The following CCDC141 variants were observed in gnomAD, a reference collection of about 807,000 sequenced individuals.
CCDC141 encodes the protein coiled-coil domain-containing protein 141.
Under a neutral mutation model 181.0 loss-of-function variants are expected in CCDC141, and 168 were observed. That is an observed-to-expected ratio of 0.93 (90% CI 0.82 to 1.05). The LOEUF (loss-of-function observed/expected upper bound fraction) is 1.05. Ranked by LOEUF, CCDC141 falls within the 50% of genes least tolerant of loss-of-function variation. The pLI is 0.00. For synonymous variants in CCDC141, 666 were observed against 642.3 expected, an observed-to-expected ratio of 1.04 and a Z score of -0.56; for missense variants, 1,902 against 1,788.5, an observed-to-expected ratio of 1.06 and a Z score of -1.14.
rs34625707 is a variant in CCDC141, at chr2:178,870,231, CAAAAAAAAAA to C, written c.2206-936_2206-927del. Among the ~76,000 whole-genome samples the C allele has an allele frequency of 6.1e-4, 37 of 60,294 alleles. No homozygotes were observed. The South Asian group carries it at 8.2e-3, about 13-fold the overall frequency. The allele number at this position is 60,294 out of a possible 152,430, so 39.6% of individuals were successfully genotyped here. A position where few individuals can be genotyped will look rare whatever the true frequency, so the allele number is the denominator to read the frequency against. On this transcript the variant is annotated intron_variant, in intron 14 of 23. Transcript: ENST00000443758. ...TGGGCAACAGAGTAAGACTCTGTCTCAAAAAAAAAAAAAAAAAAAAAAAGACAGTGAGAGA... is the reference window on the plus strand; with the variant it reads ...TGGGCAACAGAGTAAGACTCTGTCTCAAAAAAAAAAAAAGACAGTGAGAGA...
intron 10 of CCDC141, among the ~76,000 whole-genome samples, chr2:178,885,809 G>GCT (rs1686857343): frequency 6.6e-6 from 1 of 152,078 alleles, no homozygotes; most frequent in Non-Finnish European, 1.5e-5. Context: ...GAAAGAAAAA[G>GCT]CTCTGCAGCA....
chr2:179,018,028 T>C (rs539603062), intron 2 of CCDC141, among the ~76,000 whole-genome samples: 28 of 152,276 alleles, frequency 1.8e-4, no homozygotes, highest in African/African-American at 5.5e-4. Flanking sequence ...AAAGAAATGC[T>C]AAAAGACACT....
At chr2:178,865,682 T>G in intron 17 of CCDC141, 85 bp downstream of exon 17, 1 of 1,257,840 alleles carries the variant, frequency 8.0e-7, no homozygotes, top group Non-Finnish European at 1.0e-6. Context: ...TGTGGGAGTG[T>G]GCACAAATGT....
At chr2:178,988,177 T>G (rs1001431259) in intron 2 of CCDC141, among the ~76,000 whole-genome samples, 12 of 152,150 alleles carry the variant, frequency 7.9e-5, no homozygotes, top group East Asian at 3.9e-4. Flanking sequence ...TAGGGACATG[T>G]ATGAAATTGG....
At chr2:179,003,481 A>G (rs1272296669) in intron 2 of CCDC141, among the ~76,000 whole-genome samples, 2 of 152,244 alleles carry the variant, frequency 1.3e-5, no homozygotes. Context: ...GATTTTGTGA[A>G]GATTAAATGA....
intron 1 of CCDC141, among the ~76,000 whole-genome samples, chr2:179,049,576 TTTTC>T (rs1268982117): frequency 5.3e-5 from 8 of 151,326 alleles, no homozygotes; most frequent in African/African-American, 2.0e-4. Flanking sequence ...TTTTCTTTAT[TTTTC>T]TTTCTTTTCT....
chr2:178,837,540 G>A lies in CCDC141; in HGVS notation c.3679C>T (p.Leu1227Phe), dbSNP rs1360458507. 1.1e-5 allele frequency: 17 copies of A among 1,613,820 alleles called. No individual in the cohort carries two copies. In the Admixed American group the frequency reaches 1.8e-4, roughly 17 times the overall value. The change falls in exon 23 of 24, where the codon CTT becomes TTT. Residue 1227 changes from leucine (L) to phenylalanine (F), a missense_variant. Physicochemically the swap from Leu to Phe is conservative, Grantham distance 22 (BLOSUM62 0). Transcript: ENST00000443758. ...PPLPGSPESPLAPSDMEVEEP... is the reference protein window; with the variant it reads ...PPLPGSPESPFAPSDMEVEEP... ...TCCACCTCCATGTCAGATGGTGCAA[G>A]AGGGGACTCAGGGCTTCCTGGGAGA...
intron 21 of CCDC141, among the ~76,000 whole-genome samples, chr2:178,846,159 A>G (rs1285684236): frequency 1.3e-5 from 2 of 152,218 alleles, no homozygotes; most frequent in African/African-American, 4.8e-5. Flanking sequence ...AATCTACACA[A>G]GCAAAATACT....
At chr2:178,999,721 C>T (rs1454966510) in intron 2 of CCDC141, among the ~76,000 whole-genome samples, 1 of 152,000 alleles carries the variant, frequency 6.6e-6, no homozygotes, top group Non-Finnish European at 1.5e-5. Flanking sequence ...ATCTATTTCT[C>T]AGCCTAGAAT....
intron 4 of CCDC141, among the ~76,000 whole-genome samples, chr2:178,969,367 A>C (rs1429828459): frequency 6.6e-6 from 1 of 152,122 alleles, no homozygotes; most frequent in African/African-American, 2.4e-5. Flanking sequence ...TCGACGCAAA[A>C]ATCCTCAATA....
chr2:178,921,531 A>G (rs544273836), intron 6 of CCDC141, among the ~76,000 whole-genome samples: 1 of 151,948 alleles, frequency 6.6e-6, no homozygotes, highest in East Asian at 1.9e-4. Flanking sequence ...AAAGTAAAAC[A>G]GGTTTTTTTT....
At chr2:178,896,213 A>G (rs1687396591) in intron 8 of CCDC141, among the ~76,000 whole-genome samples, 1 of 152,170 alleles carries the variant, frequency 6.6e-6, no homozygotes, top group South Asian at 2.1e-4. Context: ...CAGCCTACCA[A>G]ATACAGCAAC....
At chr2:179,012,917 C>T (rs151207634) in intron 2 of CCDC141, among the ~76,000 whole-genome samples, 6,764 of 152,102 alleles carry the variant, frequency 0.044, 167 homozygotes, top group African/African-American at 0.062. Context: ...ATCCAGCATC[C>T]CTTTATGATT....
intron 2 of CCDC141, among the ~76,000 whole-genome samples, chr2:179,015,924 C>A (rs1385690615): frequency 8.6e-6 from 1 of 115,858 alleles, no homozygotes; most frequent in Non-Finnish European, 1.7e-5. Context: ...TCATATATAT[C>A]ATATAATTTC....
chr2:179,014,621 A>G (rs2042373150), intron 2 of CCDC141, among the ~76,000 whole-genome samples: 1 of 152,180 alleles, frequency 6.6e-6, no homozygotes, highest in Admixed American at 6.5e-5. Context: ...GGACATGCAT[A>G]CACAATTCTC....
chr2:179,011,791 G>A (rs1468981796), intron 2 of CCDC141, among the ~76,000 whole-genome samples: 1 of 152,050 alleles, frequency 6.6e-6, no homozygotes, highest in Non-Finnish European at 1.5e-5. Flanking sequence ...GACAACAGTG[G>A]AATAGAACTG....
At chr2:179,015,900 G>T (rs1418500134) in intron 2 of CCDC141, among the ~76,000 whole-genome samples, 3 of 126,592 alleles carry the variant, frequency 2.4e-5, no homozygotes, top group Admixed American at 8.3e-5. Context: ...TCTCATATAT[G>T]TATCATATAT....
At chr2:178,990,977 C>T (rs1025095661) in intron 2 of CCDC141, among the ~76,000 whole-genome samples, 1 of 152,074 alleles carries the variant, frequency 6.6e-6, no homozygotes, top group Non-Finnish European at 1.5e-5. Context: ...GAAAACCACT[C>T]GGCACAAAAC....
chr2:178,910,761 G>C lies in CCDC141; in HGVS notation c.1093-5260C>G, dbSNP rs567936718. Among the ~76,000 whole-genome samples, 122 of 152,346 alleles carry C rather than the reference G, an allele frequency of 8.0e-4. 5 individuals carry two copies. Among genetic ancestry groups the C allele is most frequent in the Admixed American group, 7.5e-3 (115 of 15,302 alleles). ...TCCTTGCCTGTCAAAGGCAGTTGCT[G>C]CTGGACCTCAGAGCTCCCTCCTTGT... On this transcript the variant is annotated intron_variant, in intron 7 of 23. Coordinates refer to ENST00000443758, the MANE Select transcript of CCDC141 (RefSeq NM_173648.4).
Sources: gnomAD v4.1 joint callset for allele counts (sites outside exome capture counted in the v4.1 genomes callset) on GRCh38, gnomAD v4.1.1 for gene constraint, MANE v1.5 for transcripts, NCBI Gene and HGNC (gene_info 2026-07-23, HGNC 2026-07-21) for gene names.